BMPR1B: variants seen among roughly 807,000 people sequenced by gnomAD.
The protein encoded by BMPR1B is bone morphogenetic protein receptor type-1B.
A neutral mutation model predicts 59.1 loss-of-function variants in BMPR1B; 12 were observed. The ratio of observed to expected loss-of-function variants is 0.20; its 90% CI spans 0.13 to 0.33. The LOEUF (loss-of-function observed/expected upper bound fraction) is 0.33. BMPR1B is among the 10% of genes least tolerant of loss of function. The pLI is 1.00. For missense variants in BMPR1B, 550 were observed against 610.9 expected, an observed-to-expected ratio of 0.90 and a Z score of 1.05; for synonymous variants, 237 against 207.3, an observed-to-expected ratio of 1.14 and a Z score of -1.23.
intron 1 of BMPR1B, among the ~76,000 whole-genome samples, chr4:94,819,134 T>C (rs1724113914): frequency 6.6e-6 from 1 of 151,932 alleles, no homozygotes; most frequent in Non-Finnish European, 1.5e-5. Flanking sequence ...AGAACCTATC[T>C]CAAATAAAAT....
chr4:95,149,191 T>C (rs1047956877), intron 11 of BMPR1B, among the ~76,000 whole-genome samples: 32 of 152,138 alleles, frequency 2.1e-4, no homozygotes, highest in African/African-American at 7.7e-4. Flanking sequence ...CTGTGTATTG[T>C]CTTATTTCTG....
chr4:94,910,307 A>G (rs1728224611), intron 2 of BMPR1B, among the ~76,000 whole-genome samples: 1 of 152,052 alleles, frequency 6.6e-6, no homozygotes, highest in Admixed American at 6.6e-5. Context: ...AGTTTGCCTC[A>G]TTTTATATTA....
intron 3 of BMPR1B, among the ~76,000 whole-genome samples, chr4:95,020,411 C>T (rs187424280): frequency 6.6e-6 from 1 of 152,234 alleles, no homozygotes; most frequent in Non-Finnish European, 1.5e-5. Context: ...AAGCCGGTCT[C>T]TACTAAAAAT....
intron 2 of BMPR1B, among the ~76,000 whole-genome samples, chr4:94,894,493 G>A (rs1288847969): frequency 6.6e-6 from 1 of 151,656 alleles, no homozygotes; most frequent in East Asian, 1.9e-4. Flanking sequence ...CATTTACATA[G>A]GAGTTTCCAT....
intron 2 of BMPR1B, among the ~76,000 whole-genome samples, chr4:94,908,708 G>A (rs1290619718): frequency 6.6e-6 from 1 of 151,986 alleles, no homozygotes; most frequent in Non-Finnish European, 1.5e-5. Context: ...TGCAGCTGAA[G>A]ACAGGACTTT....
chr4:95,095,327 T>TA (rs1730288132), intron 3 of BMPR1B, among the ~76,000 whole-genome samples: 2 of 152,126 alleles, frequency 1.3e-5, no homozygotes, highest in African/African-American at 2.4e-5. Flanking sequence ...TTAAAAAAAC[T>TA]GTGAGTATTT....
chr4:94,955,095 A>G (rs1344603542), intron 2 of BMPR1B, among the ~76,000 whole-genome samples: 3 of 152,172 alleles, frequency 2.0e-5, no homozygotes, highest in Non-Finnish European at 2.9e-5. Context: ...CTATCTCTGT[A>G]GTTAAACTGG....
chr4:94,955,816 A>C (rs551394716), intron 2 of BMPR1B, among the ~76,000 whole-genome samples: 109 of 152,062 alleles, frequency 7.2e-4, no homozygotes, highest in Non-Finnish European at 4.7e-4. Context: ...TTTAGTAGAG[A>C]CAGGGTTTCA....
At chr4:94,872,090 C>T (rs189590723) in intron 1 of BMPR1B, among the ~76,000 whole-genome samples, 2 of 152,224 alleles carry the variant, frequency 1.3e-5, no homozygotes, top group African/African-American at 2.4e-5. Flanking sequence ...CTCTTGTGAG[C>T]GAGTGCCCAG....
intron 2 of BMPR1B, among the ~76,000 whole-genome samples, chr4:94,902,109 C>T (rs1482217625): frequency 7.7e-6 from 1 of 129,296 alleles, no homozygotes; most frequent in Non-Finnish European, 1.6e-5. Flanking sequence ...AAGGAAACAA[C>T]TTGACTATCC....
chr4:95,041,234 C>A (rs188712807), intron 3 of BMPR1B, among the ~76,000 whole-genome samples: 21 of 152,102 alleles, frequency 1.4e-4, no homozygotes, highest in South Asian at 2.1e-4. Flanking sequence ...TTTTTAGTAG[C>A]GATAAGGTCT....
At chr4:95,148,209 C>T (rs1222129691) in intron 10 of BMPR1B, among the ~76,000 whole-genome samples, 1 of 152,116 alleles carries the variant, frequency 6.6e-6, no homozygotes, top group Non-Finnish European at 1.5e-5. Flanking sequence ...CAACAGCTGG[C>T]TTAAAAAATA....
chr4:95,098,524 CT>C (rs962607094), intron 3 of BMPR1B, among the ~76,000 whole-genome samples: 63 of 150,566 alleles, frequency 4.2e-4, no homozygotes, highest in Admixed American at 2.1e-3. Context: ...ACATGAAGAT[CT>C]TTTTTTTTGT....
chr4:95,089,525 G>T (rs1046021509), intron 3 of BMPR1B, among the ~76,000 whole-genome samples: 1 of 152,026 alleles, frequency 6.6e-6, no homozygotes, highest in Non-Finnish European at 1.5e-5. Flanking sequence ...GGACCACTGA[G>T]GTATACTGGG....
chr4:94,770,185 TG>T (rs370227915), intron 1 of BMPR1B, among the ~76,000 whole-genome samples: 6,365 of 40,862 alleles, frequency 0.16, 559 homozygotes, highest in African/African-American at 0.24. Context: ...TTTCTGTGTT[TG>T]TTTTTTTTTT....
chr4:95,038,075 A>AAAT (rs1560610343), intron 3 of BMPR1B, among the ~76,000 whole-genome samples: 11 of 152,324 alleles, frequency 7.2e-5, no homozygotes, highest in African/African-American at 2.4e-4. Flanking sequence ...TAGTAAATAG[A>AAAT]GTACTAGGGT....
chr4:94,940,508 A>T (rs1471667748), intron 2 of BMPR1B, among the ~76,000 whole-genome samples: 5 of 152,050 alleles, frequency 3.3e-5, no homozygotes, highest in Admixed American at 1.3e-4. Context: ...AGTTCTTAAA[A>T]TTTTTTTTGT....
intron 2 of BMPR1B, among the ~76,000 whole-genome samples, chr4:94,989,901 G>A (rs1487929252): frequency 1.3e-5 from 2 of 152,160 alleles, no homozygotes; most frequent in Non-Finnish European, 2.9e-5. Flanking sequence ...TGGCTAATAA[G>A]CACATGAAAA....
chr4:95,041,447 A>G (rs1467331177), intron 3 of BMPR1B, among the ~76,000 whole-genome samples: 3 of 152,140 alleles, frequency 2.0e-5, no homozygotes, highest in African/African-American at 7.2e-5. Context: ...CTGCTGTTGC[A>G]TGACACAGTG....
Sources: allele counts gnomAD v4.1 joint callset (sites outside exome capture counted in the v4.1 genomes callset), GRCh38; gene constraint gnomAD v4.1.1; transcripts MANE v1.5; gene names NCBI Gene and HGNC (gene_info 2026-07-23, HGNC 2026-07-21).